Variants in TMEM100 observed in about 807,000 individuals in gnomAD.
TMEM100 encodes transmembrane protein 100.
For synonymous variants in TMEM100, 61 were observed against 67.1 expected (o/e 0.91, Z 0.44); for missense variants, 137 against 168.2 (o/e 0.81, Z 1.02).
chr17:55,725,835 C>T (rs1207408449), upstream of TMEM100, among the ~76,000 whole-genome samples: 1 of 151,830 alleles, frequency 6.6e-6, no homozygotes, highest in East Asian at 1.9e-4. Flanking sequence ...TTTATTCAGG[C>T]ACTAATTTGC....
intron 1 of TMEM100, among the ~76,000 whole-genome samples, chr17:55,729,481 G>A (rs1909148346): frequency 2.0e-5 from 3 of 152,172 alleles, no homozygotes; most frequent in South Asian, 2.1e-4. Context: ...TCACTTCTCC[G>A]GTGGAGAGGC....
chr17:55,728,305 C>T (rs1034136439), intron 1 of TMEM100, among the ~76,000 whole-genome samples: 5 of 152,148 alleles, frequency 3.3e-5, no homozygotes, highest in Non-Finnish European at 7.4e-5. Context: ...GCTTAAGTCT[C>T]ATTTTCTTGG....
chr17:55,726,820 G>A (rs1909087019), upstream of TMEM100, among the ~76,000 whole-genome samples: 1 of 152,164 alleles, frequency 6.6e-6, no homozygotes, highest in Admixed American at 6.5e-5. Flanking sequence ...ATTTTGGATA[G>A]CAGGTCATGT....
rs377523122 is a variant in TMEM100, at chr17:55,721,099, T to C, written c.-29A>G. The C allele has an allele frequency of 3.8e-6, 6 of 1,583,654 alleles. No individual in the cohort carries two copies. The highest frequency in any genetic ancestry group is 3.4e-4 in the Middle Eastern group (2 of 5,864). On this transcript the variant is annotated 5_prime_UTR_variant, in exon 2 of 2. Coordinates refer to ENST00000424486, the MANE Select transcript of TMEM100 (RefSeq NM_018286.3). ...TACAACAGTGCTTCTAAGCTGGGTTTACAGACTAGATCTGGACAGTCTCAC... is the reference window on the plus strand; with the variant it reads ...TACAACAGTGCTTCTAAGCTGGGTTCACAGACTAGATCTGGACAGTCTCAC...
upstream of TMEM100, among the ~76,000 whole-genome samples, chr17:55,725,409 T>C (rs1909037116): frequency 6.6e-6 from 1 of 152,178 alleles, no homozygotes; most frequent in East Asian, 1.9e-4. Flanking sequence ...ATGCATGAAT[T>C]ATATCTATGC....
At chr17:55,730,800 T>G (rs1266837127) in intron 1 of TMEM100, among the ~76,000 whole-genome samples, 1 of 152,202 alleles carries the variant, frequency 6.6e-6, no homozygotes, top group Non-Finnish European at 1.5e-5. Context: ...GAACTTATCT[T>G]ATGGAACAAT....
chr17:55,725,699 A>ATGTGTGTG (rs1395882413), upstream of TMEM100, among the ~76,000 whole-genome samples: 3 of 88,536 alleles, frequency 3.4e-5, no homozygotes, highest in African/African-American at 7.9e-5. Flanking sequence ...TAACCCATAT[A>ATGTGTGTG]TATGTGTGTG....
In TMEM100 at chr17:55,719,769, T is replaced by C. The variant is rs1194669430; in HGVS notation, c.*897A>G. The C allele has an allele frequency of 3.3e-5, 5 of 152,428 alleles. No homozygotes were observed. Among genetic ancestry groups the C allele is most frequent in the African/African-American group, 1.2e-4 (5 of 41,408 alleles). 9.4% of individuals were successfully genotyped at this position (152,428 alleles called of 1,614,324 possible). A position where few individuals can be genotyped will look rare whatever the true frequency, so the allele number is the denominator to read the frequency against. On this transcript the variant is annotated 3_prime_UTR_variant, in exon 2 of 2. Coordinates refer to ENST00000424486, the MANE Select transcript of TMEM100 (RefSeq NM_018286.3). ...CTATTCAGAAGTAATGAAAAACCAA[T>C]ATGATAAAAACAAAAATCCTCCAGT...
chr17:55,721,248 A>G (rs1908877448), intron 1 of TMEM100, 113 bp from the exon 2 acceptor site: 2 of 677,350 alleles, frequency 3.0e-6, no homozygotes, highest in East Asian at 2.9e-5. Context: ...CCATGTGAAA[A>G]GCAACTTTAC....
intron 1 of TMEM100, among the ~76,000 whole-genome samples, chr17:55,729,057 G>A (rs1177405942): frequency 6.6e-6 from 1 of 152,228 alleles, no homozygotes; most frequent in African/African-American, 2.4e-5. Context: ...CCTCGATGGC[G>A]AGTTTGGACT....
Position 55,720,828 on chromosome 17 carries a change from A to G in TMEM100, c.243T>C (p.His81=), listed in dbSNP as rs761758173. The part of the protein sequence containing the change: ...VTAVAYSFNS[H]GSIISIFGLV... ...GGCCAAAGATGGAGATAATAGACCC[A>G]TGGGAATTGAAGCTGTAAGCCACCG... Residue 81 remains histidine (H), a synonymous_variant, in exon 2 of 2, where the codon CAT becomes CAC. Coordinates refer to ENST00000424486, the MANE Select transcript of TMEM100 (RefSeq NM_018286.3). The G allele has an allele frequency of 1.2e-6, 2 of 1,614,230 alleles. No homozygotes were observed. The highest frequency in any genetic ancestry group is 1.7e-6 in the Non-Finnish European group (2 of 1,180,042).
intron 1 of TMEM100, among the ~76,000 whole-genome samples, chr17:55,730,035 T>C (rs1909166746): frequency 6.6e-6 from 1 of 152,162 alleles, no homozygotes; most frequent in South Asian, 2.1e-4. Context: ...CCCCCATGAG[T>C]GAATACTTTA....
chr17:55,720,783 T>C lies in TMEM100; in HGVS notation c.288A>G (p.Gly96=). The C allele has an allele frequency of 1.7e-5, 28 of 1,614,106 alleles. No homozygotes were observed. Among genetic ancestry groups the C allele is most frequent in the Non-Finnish European group, 2.4e-5 (28 of 1,180,024 alleles). Residue 96 remains glycine (G), a synonymous_variant, in exon 2 of 2, where the codon GGA becomes GGG. Coordinates refer to ENST00000424486, the MANE Select transcript of TMEM100 (RefSeq NM_018286.3). ...SIFGLVVLSS[G]LFLLASSALC... ...AGGCACTGGAGGCTAGTAAAAAAAG[T>C]CCAGATGACAGAACAACCAGGCCAA...
At chr17:55,730,930 G>A (rs571775878) in intron 1 of TMEM100, among the ~76,000 whole-genome samples, 1 of 152,286 alleles carries the variant, frequency 6.6e-6, no homozygotes, top group Admixed American at 6.5e-5. Flanking sequence ...ACAGGAAACA[G>A]GCATTATTGT....
chr17:55,721,002 C>A lies in TMEM100; in HGVS notation c.69G>T (p.Lys23Asn). 1.2e-6 allele frequency: 2 copies of A among 1,614,190 alleles called. No individual in the cohort carries two copies. Among genetic ancestry groups the A allele is most frequent in the Non-Finnish European group, 8.5e-7 (1 of 1,180,036 alleles). Residue 23 changes from lysine to asparagine, a missense_variant, in exon 2 of 2, where the codon AAG becomes AAT. Transcript: ENST00000424486. Reference protein sequence around the residue: ...PKAHMAATMEKSPKSEVVITT... With the variant: ...PKAHMAATMENSPKSEVVITT... The stretch of plus-strand genomic sequence containing the variant: ...TGATCACAACTTCACTCTTGGGGCT[C>A]TTCTCCATCGTCGCTGCCATGTGAG...
upstream of TMEM100, among the ~76,000 whole-genome samples, chr17:55,726,269 T>A (rs560651350): frequency 1.3e-5 from 2 of 151,278 alleles, no homozygotes; most frequent in South Asian, 2.1e-4. Flanking sequence ...AAAAATCTCA[T>A]TTTTTTTTCT....
At chr17:55,723,675 C>T (rs540882737), upstream of TMEM100, among the ~76,000 whole-genome samples, 1 of 152,008 alleles carries the variant, frequency 6.6e-6, no homozygotes, top group Non-Finnish European at 1.5e-5. Context: ...TGGTTTGAAC[C>T]CTAATCTTTA....
At chr17:55,726,711 G>C (rs558569253), upstream of TMEM100, among the ~76,000 whole-genome samples, 1 of 152,138 alleles carries the variant, frequency 6.6e-6, no homozygotes, top group Non-Finnish European at 1.5e-5. Flanking sequence ...TGGGAAGCTG[G>C]CCAGGTTTTC....
In TMEM100 at chr17:55,720,499, C is replaced by A; in HGVS notation, c.*167G>T. 1 of 850,318 alleles carries A rather than the reference C, an allele frequency of 1.2e-6. No individual in the cohort carries two copies. The highest frequency in any genetic ancestry group is 1.8e-6 in the Non-Finnish European group (1 of 563,352). The allele number at this position is 850,318 out of a possible 1,614,324, so 52.7% of individuals were successfully genotyped here. ...GGGTTAAGTTTGTCGTTAAAGAAGA[C>A]ATGAGTCATTCCTCACAAAGGAGAA... On this transcript the variant is annotated 3_prime_UTR_variant, in exon 2 of 2. Coordinates refer to ENST00000424486, the MANE Select transcript of TMEM100 (RefSeq NM_018286.3).
Sources: gnomAD v4.1 joint callset for allele counts (sites outside exome capture counted in the v4.1 genomes callset) on GRCh38, gnomAD v4.1.1 for gene constraint, MANE v1.5 for transcripts, NCBI Gene and HGNC (gene_info 2026-07-23, HGNC 2026-07-21) for gene names.